Variants in UTP6 observed in about 807,000 individuals in gnomAD.
UTP6 encodes UTP6 small subunit processome component.
Under a neutral mutation model 96.5 loss-of-function variants are expected in UTP6, and 60 were observed. That is an observed-to-expected ratio of 0.62 (90% CI 0.51 to 0.77). UTP6 has a LOEUF of 0.77. Among genes scored for constraint, UTP6 ranks in the 30% least tolerant of loss-of-function variants. UTP6 has a pLI of 0.00. For synonymous variants in UTP6, 215 were observed against 240.1 expected (o/e 0.90, Z 0.96); for missense variants, 637 against 706.5 (o/e 0.90, Z 1.12).
At chr17:31,876,295 C>A (rs1169663220) in intron 13 of UTP6, among the ~76,000 whole-genome samples, 1 of 151,136 alleles carries the variant, frequency 6.6e-6, no homozygotes, top group Non-Finnish European at 1.5e-5. Context: ...CCTCGGCCTC[C>A]CAAAGTGCTG....
chr17:31,890,046 C>A lies in UTP6; in HGVS notation c.425-643G>T, dbSNP rs529278155. ...TCTTTTTTTGAGACAGGGTCTTGCT[C>A]TGTTGCTCAGGCTGCAGTGGCACAA... On this transcript the variant is annotated intron_variant, in intron 6 of 18. Transcript: ENST00000261708. Among the ~76,000 whole-genome samples, 23 of 152,142 alleles carry A rather than the reference C, an allele frequency of 1.5e-4. No homozygotes were observed. The South Asian group carries it at 4.6e-3, about 30-fold the overall frequency.
chr17:31,868,661 T>C (rs964526056), intron 16 of UTP6, among the ~76,000 whole-genome samples: 2 of 152,192 alleles, frequency 1.3e-5, no homozygotes, highest in East Asian at 3.9e-4. Flanking sequence ...TCTTTATCAA[T>C]TGTAGAGTTT....
chr17:31,868,782 T>G (rs887733616), intron 16 of UTP6, among the ~76,000 whole-genome samples: 1 of 152,166 alleles, frequency 6.6e-6, no homozygotes, highest in Admixed American at 6.5e-5. Context: ...TGTGCAGAAA[T>G]ATTCATCAAA....
rs1909571278 is a variant in UTP6 at position 31,861,865 on chromosome 17, T to C, written c.*1494A>G. 6.6e-6 allele frequency: 1 copy of C among 152,240 alleles called. No individual in the cohort carries two copies. Among genetic ancestry groups the C allele is most frequent in the Admixed American group, 6.5e-5 (1 of 15,278 alleles). The allele number at this position is 152,240 out of a possible 1,614,324, so 9.4% of individuals were successfully genotyped here. On this transcript the variant is annotated 3_prime_UTR_variant, in exon 19 of 19. Transcript: ENST00000261708. ...AGCAAACCAGCAATACATATCAGTA[T>C]TCTCTAAAAGCAGTATCCTTTGATC...
chr17:31,877,481 C>A (rs749617001), intron 13 of UTP6, among the ~76,000 whole-genome samples: 4 of 152,138 alleles, frequency 2.6e-5, no homozygotes, highest in Non-Finnish European at 5.9e-5. Context: ...TTTCTTCCGA[C>A]AGAAGATGAA....
rs1376319088 is a variant in UTP6, at chr17:31,880,555, T to C, written c.967+18A>G. 3.1e-6 allele frequency: 5 copies of C among 1,613,838 alleles called. No homozygotes were observed. Among genetic ancestry groups the C allele is most frequent in the Non-Finnish European group, 4.2e-6 (5 of 1,179,818 alleles). On this transcript the variant is annotated intron_variant, in intron 11 of 18. Transcript: ENST00000261708. ...ATACTATTCCTTCTATATCACACCA[T>C]GGTTTGGTGAAGTTCACCTGTTGGC...
intron 2 of UTP6, among the ~76,000 whole-genome samples, chr17:31,895,473 G>A (rs1372655414): frequency 1.3e-5 from 2 of 152,194 alleles, no homozygotes; most frequent in Non-Finnish European, 2.9e-5. Flanking sequence ...TTATAATGAT[G>A]TCTTGAATGC....
chr17:31,874,391 C>CA (rs1728560839), intron 14 of UTP6: 1 of 150,536 alleles, frequency 6.6e-6, no homozygotes, highest in Non-Finnish European at 1.5e-5. Context: ...ACTAAAAATA[C>CA]AAAAATTAGC....
At chr17:31,885,953 C>CA (rs761608036) in intron 9 of UTP6, 27 bp downstream of exon 9, 51 of 1,586,408 alleles carry the variant, frequency 3.2e-5, no homozygotes, top group Non-Finnish European at 4.0e-5. Flanking sequence ...ACTTTCCTAC[C>CA]AAAAATAATG....
chr17:31,893,607 G>T (rs982043857), intron 4 of UTP6, among the ~76,000 whole-genome samples: 6 of 151,570 alleles, frequency 4.0e-5, no homozygotes, highest in African/African-American at 1.5e-4. Flanking sequence ...GTGCGTGCCT[G>T]AAGTCCCAGG....
chr17:31,889,296 G>A lies in UTP6; in HGVS notation c.532C>T (p.Leu178Phe), dbSNP rs1911326034. ...GCATACACACTCACTTCTTTATAAA[G>A]TTTTGGGCACTCTGGATGAAAGCGC... ...ALRFHPECPK[L>F]YKEYFRMELM... Residue 178 changes from leucine (L) to phenylalanine (F), a missense_variant, in exon 7 of 19, where the codon CTT becomes TTT. Physicochemically the swap from Leu to Phe is conservative, Grantham distance 22. Transcript: ENST00000261708. 1 of 1,612,408 alleles carries A rather than the reference G, an allele frequency of 6.2e-7. No homozygotes were observed. The highest frequency in any genetic ancestry group is 1.7e-5 in the Admixed American group (1 of 59,808).
intron 1 of UTP6, among the ~76,000 whole-genome samples, chr17:31,900,122 G>A (rs761377577): frequency 2.0e-5 from 3 of 151,578 alleles, no homozygotes; most frequent in Non-Finnish European, 2.9e-5. Flanking sequence ...CTGGCCTGGC[G>A]ACAGAGCAAG....
chr17:31,883,992 TATG>T (rs1312198800), intron 10 of UTP6, among the ~76,000 whole-genome samples: 1 of 136,872 alleles, frequency 7.3e-6, no homozygotes, highest in Non-Finnish European at 1.5e-5. Context: ...TTTAACGTAA[TATG>T]ATATTAATTT....
At chr17:31,889,524 TCTCA>T (rs1215735384) in intron 6 of UTP6, 121 bp from the exon 7 acceptor site, 1 of 670,610 alleles carries the variant, frequency 1.5e-6, no homozygotes. Flanking sequence ...TTTGAGACAG[TCTCA>T]CTCTGTCGCC....
intron 16 of UTP6, among the ~76,000 whole-genome samples, chr17:31,870,485 TTTTTTG>T (rs1031426676): frequency 6.1e-4 from 93 of 151,966 alleles, no homozygotes; most frequent in African/African-American, 1.9e-3. Flanking sequence ...TTGTTTTGGG[TTTTTTG>T]TTTTTGTTGT....
In UTP6 at chr17:31,862,580, T is replaced by C. The variant is rs571554449; in HGVS notation, c.*779A>G. 2 of 151,932 alleles carry C rather than the reference T, an allele frequency of 1.3e-5. No homozygotes were observed. The highest frequency in any genetic ancestry group is 2.9e-5 in the Non-Finnish European group (2 of 68,004). 9.4% of individuals were successfully genotyped at this position (151,932 alleles called of 1,614,324 possible). ...CAAAACTGTACTTTCTCCTTTTTTT[T>C]TTTCCTTGAGAAGGAGTTTCGCTCT... is the stretch of plus-strand genomic sequence containing the variant. On this transcript the variant is annotated 3_prime_UTR_variant, in exon 19 of 19. Coordinates refer to ENST00000261708, the MANE Select transcript of UTP6 (RefSeq NM_018428.3).
chr17:31,863,116 A>C lies in UTP6; in HGVS notation c.*243T>G, dbSNP rs780586866. On this transcript the variant is annotated 3_prime_UTR_variant, in exon 19 of 19. Transcript: ENST00000261708. ...AGCTACTCAGGAGTCTGAGGTGAGAAGGTCACTTGAGTCCAGGAGTTCAAG... is the reference window on the plus strand; with the variant it reads ...AGCTACTCAGGAGTCTGAGGTGAGACGGTCACTTGAGTCCAGGAGTTCAAG... The C allele has an allele frequency of 2.1e-6, 1 of 471,106 alleles. No homozygotes were observed. The highest frequency in any genetic ancestry group is 1.9e-5 in the African/African-American group (1 of 51,488). The allele number at this position is 471,106 out of a possible 1,614,324, so 29.2% of individuals were successfully genotyped here. A position where few individuals can be genotyped will look rare whatever the true frequency, so the allele number is the denominator to read the frequency against.
At chr17:31,898,160 T>C (rs1904763899) in intron 2 of UTP6, among the ~76,000 whole-genome samples, 1 of 152,338 alleles carries the variant, frequency 6.6e-6, no homozygotes. Flanking sequence ...ACAGTCTTAG[T>C]GGAGTAATGC....
At chr17:31,886,163 T>A (rs1482415604) in intron 8 of UTP6, 102 bp from the exon 9 acceptor site, 3 of 880,706 alleles carry the variant, frequency 3.4e-6, no homozygotes, top group Non-Finnish European at 5.3e-6. Flanking sequence ...ATATGACCAC[T>A]GGTAAATCAT....
Sources: gnomAD v4.1 joint callset for allele counts (sites outside exome capture counted in the v4.1 genomes callset) on GRCh38, gnomAD v4.1.1 for gene constraint, MANE v1.5 for transcripts, NCBI Gene and HGNC (gene_info 2026-07-23, HGNC 2026-07-21) for gene names.